The following ADGRG7 variants were observed in gnomAD, a reference collection of about 807,000 sequenced individuals.
The protein encoded by ADGRG7 is G-protein coupled receptor 128.
In ADGRG7, 82 loss-of-function variants were observed where a neutral mutation model predicts 88.6. That is an observed-to-expected ratio of 0.93 (90% CI 0.77 to 1.11). The LOEUF (loss-of-function observed/expected upper bound fraction) is 1.11, where lower values mean the gene tolerates loss of function less well. ADGRG7 is among the 50% of genes most tolerant of loss of function. The pLI, the probability that ADGRG7 is intolerant of heterozygous loss-of-function variation, is 0.00. For synonymous variants in ADGRG7, 381 were observed against 345.2 expected (o/e 1.10, Z -1.15); for missense variants, 945 against 953.4 (o/e 0.99, Z 0.12).
intron 15 of ADGRG7, among the ~76,000 whole-genome samples, chr3:100,671,960 C>A (rs896214251): frequency 1.3e-5 from 2 of 152,132 alleles, no homozygotes; most frequent in Non-Finnish European, 2.9e-5. Context: ...TTACTGTAGC[C>A]TTGTAGCATA....
At chr3:100,691,739 C>G (rs957917379) in intron 15 of ADGRG7, among the ~76,000 whole-genome samples, 2 of 106,282 alleles carry the variant, frequency 1.9e-5, no homozygotes, top group African/African-American at 6.2e-5. Context: ...TTCATTCTAG[C>G]CTTATTAACT....
At chr3:100,611,471 A>G (rs1043967942) in intron 1 of ADGRG7, among the ~76,000 whole-genome samples, 2 of 152,200 alleles carry the variant, frequency 1.3e-5, no homozygotes, top group Admixed American at 6.5e-5. Flanking sequence ...CATGAGAAAG[A>G]GTGCAGGATG....
chr3:100,619,671 A>AC (rs1233597556), intron 1 of ADGRG7, among the ~76,000 whole-genome samples: 1 of 152,178 alleles, frequency 6.6e-6, no homozygotes, highest in Admixed American at 6.5e-5. Flanking sequence ...CAAGACTAAT[A>AC]AAGAAGAAAA....
chr3:100,656,283 G>A (rs1414434656), intron 13 of ADGRG7, among the ~76,000 whole-genome samples: 1 of 152,056 alleles, frequency 6.6e-6, no homozygotes, highest in Non-Finnish European at 1.5e-5. Context: ...TGATACAATA[G>A]GTATTATCCT....
At chr3:100,662,873 A>T (rs2094947236) in intron 14 of ADGRG7, among the ~76,000 whole-genome samples, 1 of 151,986 alleles carries the variant, frequency 6.6e-6, no homozygotes. Flanking sequence ...GATGGCAGAA[A>T]AAAGACACTA....
At chr3:100,651,731 A>C (rs1001188462) in intron 11 of ADGRG7, among the ~76,000 whole-genome samples, 2 of 152,070 alleles carry the variant, frequency 1.3e-5, no homozygotes, top group Non-Finnish European at 2.9e-5. Context: ...TAAAGACAAA[A>C]TTTTATTGAT....
chr3:100,639,534 G>T (rs60544131), intron 6 of ADGRG7, among the ~76,000 whole-genome samples: 12,010 of 152,200 alleles, frequency 0.079, 690 homozygotes, highest in East Asian at 0.25. Context: ...CCCTTCTCAT[G>T]GAGAATGTGG....
At chr3:100,634,245 A>G (rs1043446305) in intron 4 of ADGRG7, among the ~76,000 whole-genome samples, 3 of 152,240 alleles carry the variant, frequency 2.0e-5, no homozygotes, top group African/African-American at 7.2e-5. Flanking sequence ...CTTTATGTAC[A>G]GCCTTTCATG....
intron 15 of ADGRG7, among the ~76,000 whole-genome samples, chr3:100,684,309 G>C (rs1373557884): frequency 8.4e-6 from 1 of 118,964 alleles, no homozygotes; most frequent in African/African-American, 3.0e-5. Context: ...TGTCACCCAG[G>C]CTGGAATGCA....
intron 1 of ADGRG7, among the ~76,000 whole-genome samples, chr3:100,629,380 C>T (rs534995340): frequency 1.3e-5 from 2 of 152,034 alleles, no homozygotes; most frequent in South Asian, 2.1e-4. Flanking sequence ...TTATGTCTTT[C>T]AACTACATCT....
At chr3:100,650,935 C>T (rs2149027922) in intron 11 of ADGRG7, among the ~76,000 whole-genome samples, 1 of 152,256 alleles carries the variant, frequency 6.6e-6, no homozygotes, top group South Asian at 2.1e-4. Context: ...CCCAGTGTAG[C>T]CAGAGGGAGC....
intron 8 of ADGRG7, 45 bp from the exon 9 acceptor site, chr3:100,645,900 C>T (rs1469061350): frequency 3.9e-6 from 6 of 1,545,180 alleles, no homozygotes; most frequent in African/African-American, 2.8e-5. Flanking sequence ...TTTTTGTTTA[C>T]CTTACAGTGC....
At chr3:100,630,971 G>A (rs1707452664) in intron 3 of ADGRG7, among the ~76,000 whole-genome samples, 162 bp downstream of exon 3, 1 of 152,120 alleles carries the variant, frequency 6.6e-6, no homozygotes, top group African/African-American at 2.4e-5. Flanking sequence ...ACTTAAGGTA[G>A]TATCTCACAA....
chr3:100,641,350 A>G (rs1365109894), intron 6 of ADGRG7, among the ~76,000 whole-genome samples: 1 of 152,262 alleles, frequency 6.6e-6, no homozygotes, highest in East Asian at 1.9e-4. Context: ...TAATCTGATT[A>G]GCTGAGGTGG....
chr3:100,670,296 A>G (rs976663537), intron 15 of ADGRG7, among the ~76,000 whole-genome samples: 1 of 152,202 alleles, frequency 6.6e-6, no homozygotes, highest in African/African-American at 2.4e-5. Flanking sequence ...TTCACTTAAC[A>G]TAATGACCTC....
intron 15 of ADGRG7, among the ~76,000 whole-genome samples, chr3:100,676,288 G>A (rs924499475): frequency 6.6e-6 from 1 of 151,700 alleles, no homozygotes; most frequent in Non-Finnish European, 1.5e-5. Flanking sequence ...ATAAGTTTTG[G>A]TATGTTGTGT....
At chr3:100,682,953 CT>C (rs2094975990) in intron 15 of ADGRG7, among the ~76,000 whole-genome samples, 1 of 152,102 alleles carries the variant, frequency 6.6e-6, no homozygotes. Flanking sequence ...GGCAGACAGG[CT>C]TTTGGGTGGA....
Position 100,635,689 on chromosome 3 carries a change from A to T in ADGRG7, c.460A>T (p.Thr154Ser), listed in dbSNP as rs375688473. The T allele has an allele frequency of 1.9e-6, 3 of 1,613,478 alleles. No individual in the cohort carries two copies. Among genetic ancestry groups the T allele is most frequent in the Non-Finnish European group, 2.5e-6 (3 of 1,179,854 alleles). Reference sequence around the variant, plus strand: ...GTTTTTAAAACAGGTAAAGGATGTCACAGCACCACTTAATAACATTTCTTC... The same window carrying T: ...GTTTTTAAAACAGGTAAAGGATGTCTCAGCACCACTTAATAACATTTCTTC... The part of the protein sequence containing the change: ...ETLEKQVKDV[T>S]APLNNISSEV... Residue 154 changes from threonine (T) to serine (S), a missense_variant, in exon 5 of 16, where the codon ACA becomes TCA. By Grantham distance (58) the Thr-to-Ser change is moderately conservative (BLOSUM62 1). Coordinates refer to ENST00000273352, the MANE Select transcript of ADGRG7 (RefSeq NM_032787.3).
intron 15 of ADGRG7, among the ~76,000 whole-genome samples, chr3:100,690,854 C>T (rs1048926427): frequency 3.7e-4 from 57 of 152,340 alleles, no homozygotes; most frequent in African/African-American, 7.9e-4. Context: ...GTTCTCAGAT[C>T]TCAAGCTGTG....
Sources: allele counts gnomAD v4.1 joint callset (sites outside exome capture counted in the v4.1 genomes callset), GRCh38; gene constraint gnomAD v4.1.1; transcripts MANE v1.5; gene names NCBI Gene and HGNC (gene_info 2026-07-23, HGNC 2026-07-21).